Variants in PTMA observed in about 807,000 individuals in gnomAD.
The protein encoded by PTMA is prothymosin alpha.
A neutral mutation model predicts 16.9 loss-of-function variants in PTMA; 4 were observed. The ratio of observed to expected loss-of-function variants is 0.24; its 90% confidence interval spans 0.12 to 0.54. The LOEUF (loss-of-function observed/expected upper bound fraction) is 0.54. Ranked by LOEUF, PTMA falls within the 20% of genes least tolerant of loss-of-function variation. The pLI, the probability that PTMA is intolerant of heterozygous loss-of-function variation, is 0.95. For missense variants in PTMA, 120 were observed against 137.7 expected, an observed-to-expected ratio of 0.87 and a Z score of 0.64; for synonymous variants, 58 against 47.9, an observed-to-expected ratio of 1.21 and a Z score of -0.87.
At position 231,708,586 on chromosome 2, in the gene PTMA, C is replaced by T. The variant is rs1421586182; in HGVS notation, c.-121C>T. ...GTTCCTCATCCGCCTCCTTGCTCGC[C>T]GCAGCCGCCTCCGCCGCGCGCCTCC... On this transcript the variant is annotated 5_prime_UTR_variant, in exon 1 of 5. Transcript: ENST00000409115. The T allele has an allele frequency of 6.4e-6, 8 of 1,249,494 alleles. No individual in the cohort carries two copies. The highest frequency in any genetic ancestry group is 1.8e-5 in the Admixed American group (1 of 56,562). 77.4% of individuals were successfully genotyped at this position (1,249,494 alleles called of 1,614,324 possible).
intron 1 of PTMA, chr2:231,710,212 G>A: frequency 7.5e-7 from 1 of 1,340,294 alleles, no homozygotes. Flanking sequence ...GGTGGCGGCA[G>A]TGGGGCGTCG....
At chr2:231,711,155 A>G (rs941685215) in intron 1 of PTMA, 193 bp from the exon 2 acceptor site, 7 of 519,336 alleles carry the variant, frequency 1.3e-5, no homozygotes, top group Non-Finnish European at 2.4e-5. Context: ...TTGATCACAG[A>G]TGCCCCCCGC....
chr2:231,712,629 G>GT (rs1335661329), intron 4 of PTMA, 113 bp downstream of exon 4: 2 of 1,336,082 alleles, frequency 1.5e-6, no homozygotes, highest in Admixed American at 2.0e-5. Context: ...GGTGGCCACT[G>GT]TGTGGTCCTG....
intron 1 of PTMA, among the ~76,000 whole-genome samples, 161 bp downstream of exon 1, chr2:231,708,912 G>A (rs1559281448): frequency 1.3e-5 from 2 of 152,200 alleles, no homozygotes; most frequent in Non-Finnish European, 2.9e-5. Context: ...CTCTTTGTGT[G>A]GTGCGGGGGA....
intron 1 of PTMA, among the ~76,000 whole-genome samples, 197 bp downstream of exon 1, chr2:231,708,948 C>G (rs1472842649): frequency 6.6e-6 from 1 of 152,200 alleles, no homozygotes; most frequent in African/African-American, 2.4e-5. Flanking sequence ...CGCGGGCAGA[C>G]GTGATGCCCG....
intron 1 of PTMA, 124 bp downstream of exon 1, chr2:231,708,875 C>T (rs1363373451): frequency 1.7e-6 from 2 of 1,211,588 alleles, no homozygotes; most frequent in African/African-American, 1.5e-5. Context: ...ACGGCCCGCC[C>T]CCGGCGCGGT....
rs941716270 is a variant in PTMA at position 231,711,296 on chromosome 2, C to T, written c.46-52C>T. ...GTAGTTCTCAGCGCCTTTGCTTACC[C>T]TGGGTTGCTCAGAAGACTTACTGGT... On this transcript the variant is annotated intron_variant, in intron 1 of 4. Transcript: ENST00000409115. 7 of 1,502,494 alleles carry T rather than the reference C, an allele frequency of 4.7e-6. No individual in the cohort carries two copies. In the East Asian group the frequency reaches 1.6e-4, roughly 34 times the overall value. 93.1% of individuals were successfully genotyped at this position (1,502,494 alleles called of 1,614,324 possible). A position where few individuals can be genotyped will look rare whatever the true frequency, so the allele number is the denominator to read the frequency against.
At chr2:231,712,626 A>G (rs944889037) in intron 4 of PTMA, 110 bp downstream of exon 4, 1 of 1,358,880 alleles carries the variant, frequency 7.4e-7, no homozygotes, top group Non-Finnish European at 1.0e-6. Context: ...GTAGGTGGCC[A>G]CTGTGTGGTC....
Position 231,708,712 on chromosome 2 carries a change from A to C in PTMA, c.6A>C (p.Ser2=). The C allele has an allele frequency of 6.2e-7, 1 of 1,603,338 alleles. No homozygotes were observed. Among genetic ancestry groups the C allele is most frequent in the Non-Finnish European group, 8.5e-7 (1 of 1,179,624 alleles). The stretch of plus-strand genomic sequence containing the variant: ...GATCACCGGCGTGCCCCACCATGTC[A>C]GACGCAGCCGTAGACACCAGCTCCG... M[S]DAAVDTSSEI... Residue 2 remains serine, a synonymous_variant, in exon 1 of 5, where the codon TCA becomes TCC. Coordinates refer to ENST00000409115, the MANE Select transcript of PTMA (RefSeq NM_002823.5).
chr2:231,710,007 G>A (rs2106242414), intron 1 of PTMA: 1 of 1,137,166 alleles, frequency 8.8e-7, no homozygotes, highest in Middle Eastern at 3.3e-4. Context: ...TTTGTGGGGT[G>A]AGAACACCGT....
intron 1 of PTMA, among the ~76,000 whole-genome samples, chr2:231,709,085 C>A (rs571392373): frequency 1.3e-5 from 2 of 152,214 alleles, no homozygotes; most frequent in East Asian, 3.9e-4. Flanking sequence ...TGGGGGTCGT[C>A]GGCCCGCCGG....
chr2:231,709,136 C>T (rs1422141540), intron 1 of PTMA, among the ~76,000 whole-genome samples: 4 of 152,136 alleles, frequency 2.6e-5, no homozygotes, highest in Non-Finnish European at 5.9e-5. Context: ...CGTTGGGAAT[C>T]GGAAGTGCTG....
chr2:231,713,029 A>T lies in PTMA; in HGVS notation c.*178A>T. The T allele has an allele frequency of 1.6e-6, 1 of 621,430 alleles. No individual in the cohort carries two copies. Among genetic ancestry groups the T allele is most frequent in the Non-Finnish European group, 2.8e-6 (1 of 354,962 alleles). 38.5% of individuals were successfully genotyped at this position (621,430 alleles called of 1,614,324 possible). Reference sequence around the variant, plus strand: ...TCTCCACCACCCAACCCAAACCATGAGAATTTGCAACAGGGGAGGAAAAAA... The same window carrying T: ...TCTCCACCACCCAACCCAAACCATGTGAATTTGCAACAGGGGAGGAAAAAA... On this transcript the variant is annotated 3_prime_UTR_variant, in exon 5 of 5. Transcript: ENST00000409115.
At chr2:231,712,133 T>C in intron 3 of PTMA, 150 bp downstream of exon 3, 1 of 1,379,326 alleles carries the variant, frequency 7.2e-7, no homozygotes, top group Non-Finnish European at 9.8e-7. Flanking sequence ...ACCTGTAGAG[T>C]CAGGGAAGGT....
intron 1 of PTMA, chr2:231,710,394 G>A (rs2048502113): frequency 7.7e-6 from 9 of 1,164,036 alleles, no homozygotes; most frequent in South Asian, 4.3e-5. Context: ...CGGGGGATGC[G>A]CGCCTGCGCG....
At position 231,712,972 on chromosome 2, in the gene PTMA, C is replaced by T. The variant is rs952195691; in HGVS notation, c.*121C>T. 1.7e-5 allele frequency: 18 copies of T among 1,089,986 alleles called. No individual in the cohort carries two copies. Among genetic ancestry groups the T allele is most frequent in the Middle Eastern group, 3.1e-4 (1 of 3,262 alleles). 67.5% of individuals were successfully genotyped at this position (1,089,986 alleles called of 1,614,324 possible). On this transcript the variant is annotated 3_prime_UTR_variant, in exon 5 of 5. Coordinates refer to ENST00000409115, the MANE Select transcript of PTMA (RefSeq NM_002823.5). The stretch of plus-strand genomic sequence containing the variant: ...CGAGTAGAGAGGCCCGCCCGCCCAC[C>T]GTGGGCAGTGCCACCCGCAGATGAC...
At chr2:231,709,980 C>G in intron 1 of PTMA, 1 of 991,436 alleles carries the variant, frequency 1.0e-6, no homozygotes, top group African/African-American at 1.7e-5. Context: ...CCCTTCTGGA[C>G]TCAGTCCGGG....
intron 1 of PTMA, chr2:231,710,236 G>A (rs1343638783): frequency 3.7e-6 from 5 of 1,337,742 alleles, no homozygotes; most frequent in Admixed American, 5.9e-5. Context: ...CGAGAGCCCG[G>A]CCGACCGACG....
intron 1 of PTMA, chr2:231,710,421 C>T (rs1378356601): frequency 9.5e-6 from 11 of 1,152,202 alleles, no homozygotes; most frequent in Middle Eastern, 3.6e-4. Context: ...CCTCCCTGCC[C>T]CCACTGCTCC....
Sources: allele counts gnomAD v4.1 joint callset (sites outside exome capture counted in the v4.1 genomes callset), GRCh38; gene constraint gnomAD v4.1.1; transcripts MANE v1.5; gene names NCBI Gene and HGNC (gene_info 2026-07-23, HGNC 2026-07-21).